Variants in NUP210 observed in about 807,000 individuals in gnomAD.
The protein encoded by NUP210 is nuclear pore membrane glycoprotein 210.
Under a neutral mutation model 196.0 loss-of-function variants are expected in NUP210, and 151 were observed. The observed-to-expected ratio is 0.77, with a 90% CI of 0.67 to 0.88. The LOEUF (loss-of-function observed/expected upper bound fraction) is 0.88, where lower values mean the gene tolerates loss of function less well. NUP210 is among the 40% of genes least tolerant of loss of function. The probability of loss-of-function intolerance (pLI) is 0.00; values close to 1 mark genes in which losing one functional copy is unlikely to be tolerated. For synonymous variants in NUP210, 1,070 were observed against 1,052.7 expected (o/e 1.02, Z -0.32); for missense variants, 2,314 against 2,493.7 (o/e 0.93, Z 1.53).
rs188267908 is a variant in NUP210 at position 13,365,761 on chromosome 3, T to C, written c.1932+185A>G. Among the ~76,000 whole-genome samples the C allele has an allele frequency of 1.9e-3, 288 of 152,314 alleles. 1 individual carries two copies. The highest frequency in any genetic ancestry group is 0.016 in the South Asian group (77 of 4,818). On this transcript the variant is annotated intron_variant, in intron 14 of 39. Transcript: ENST00000254508. Reference sequence around the variant, plus strand: ...AGAGATGCCCACAACCACTGCCCCATCAGGGAGGCTCTGCTCCTTCCACAT... The same window carrying C: ...AGAGATGCCCACAACCACTGCCCCACCAGGGAGGCTCTGCTCCTTCCACAT...
intron 1 of NUP210, among the ~76,000 whole-genome samples, chr3:13,418,928 G>A (rs1180135430): frequency 2.0e-5 from 2 of 99,670 alleles, no homozygotes; most frequent in Admixed American, 2.9e-4. Context: ...CAGCATGGAC[G>A]ACAAAGCAAA....
intron 25 of NUP210, among the ~76,000 whole-genome samples, chr3:13,339,212 G>T (rs977009388): frequency 1.3e-5 from 2 of 152,206 alleles, no homozygotes; most frequent in African/African-American, 4.8e-5. Context: ...CTCTAGGGCG[G>T]TGCACTTGCC....
intron 1 of NUP210, among the ~76,000 whole-genome samples, chr3:13,408,691 G>A (rs974906311): frequency 6.6e-6 from 1 of 151,706 alleles, no homozygotes; most frequent in Non-Finnish European, 1.5e-5. Context: ...AGGAGGCTGA[G>A]GCAGGAGAAT....
intron 37 of NUP210, 67 bp from the exon 38 acceptor site, chr3:13,319,392 G>T: frequency 2.3e-6 from 3 of 1,326,172 alleles, no homozygotes; most frequent in Non-Finnish European, 3.2e-6. Flanking sequence ...TCACGTTCCT[G>T]CCCTACTGTA....
intron 28 of NUP210, 30 bp from the exon 29 acceptor site, chr3:13,332,414 TG>T: frequency 6.5e-7 from 1 of 1,547,932 alleles, no homozygotes. Context: ...TCACTTCCGA[TG>T]GGGCACTGGA....
chr3:13,334,914 C>T (rs1431065767), intron 28 of NUP210, among the ~76,000 whole-genome samples: 1 of 152,166 alleles, frequency 6.6e-6, no homozygotes, highest in African/African-American at 2.4e-5. Flanking sequence ...AGGGCACAGT[C>T]CCCAGGCCTC....
At chr3:13,343,099 C>G (rs1697578868) in intron 21 of NUP210, 76 bp downstream of exon 21, 4 of 1,566,230 alleles carry the variant, frequency 2.6e-6, no homozygotes, top group Non-Finnish European at 3.5e-6. Context: ...CCATGCGGAA[C>G]ATTCCTCCCA....
intron 1 of NUP210, among the ~76,000 whole-genome samples, chr3:13,408,233 G>A (rs1378194842): frequency 1.3e-5 from 2 of 152,156 alleles, no homozygotes; most frequent in Non-Finnish European, 2.9e-5. Context: ...ACCAGATCAT[G>A]ATATATTAGT....
rs577063400 is a variant in NUP210, at chr3:13,336,311, T to A, written c.3684+476A>T. Among the ~76,000 whole-genome samples the A allele has an allele frequency of 6.6e-4, 101 of 152,310 alleles. No homozygotes were observed. In the South Asian group the frequency reaches 0.02, roughly 31 times the overall value. On this transcript the variant is annotated intron_variant, in intron 27 of 39. Coordinates refer to ENST00000254508, the MANE Select transcript of NUP210 (RefSeq NM_024923.4). ...TGCCCAGTACCATTTCCCCACTGGC[T>A]TGCTGGGCAACCCTGGGCAAGTCCC...
intron 2 of NUP210, among the ~76,000 whole-genome samples, chr3:13,398,300 A>T (rs778352793): frequency 3.3e-5 from 5 of 152,274 alleles, no homozygotes; most frequent in Non-Finnish European, 7.4e-5. Flanking sequence ...AAAATTAGTC[A>T]GGCATGGTGG....
chr3:13,386,194 T>C, intron 6 of NUP210, 81 bp downstream of exon 6: 1 of 1,504,662 alleles, frequency 6.6e-7, no homozygotes. Flanking sequence ...GTTAAGATGG[T>C]AAATTTTGTT....
rs1698419814 is a variant in NUP210 at position 13,363,022 on chromosome 3, C to T, written c.1933-2531G>A. 2.0e-5 allele frequency among the ~76,000 whole-genome samples: 3 copies of T among 152,194 alleles called. No individual in the cohort carries two copies. In the South Asian group the frequency reaches 6.2e-4, roughly 32 times the overall value. Reference sequence around the variant, plus strand: ...CCACTGGAGTGAAGCTAGTGTGGGACCTTAAACAAGTTAATGTCTACAAGG... The same window carrying T: ...CCACTGGAGTGAAGCTAGTGTGGGATCTTAAACAAGTTAATGTCTACAAGG... On this transcript the variant is annotated intron_variant, in intron 14 of 39. Transcript: ENST00000254508.
At position 13,319,332 on chromosome 3, in the gene NUP210, T is replaced by G; in HGVS notation, c.5384-7A>C. ...TGGAAGAGGCTGGCTCCATCTGCCA[T>G]CAATGGGAAGATGAGTTACCAAAAC... On this transcript the variant is annotated splice_region_variant and splice_polypyrimidine_tract_variant and intron_variant, in intron 37 of 39. Coordinates refer to ENST00000254508, the MANE Select transcript of NUP210 (RefSeq NM_024923.4). 6.2e-7 allele frequency: 1 copy of G among 1,602,030 alleles called. No homozygotes were observed. The highest frequency in any genetic ancestry group is 8.5e-7 in the Non-Finnish European group (1 of 1,172,812).
intron 16 of NUP210, among the ~76,000 whole-genome samples, chr3:13,356,205 C>T (rs1216830218): frequency 2.0e-5 from 3 of 152,232 alleles, no homozygotes; most frequent in Admixed American, 2.0e-4. Flanking sequence ...CCTTGTCATT[C>T]TGATCAGTCA....
Position 13,335,519 on chromosome 3 carries a change from C to G in NUP210, c.3778G>C (p.Val1260Leu), listed in dbSNP as rs747895657. Residue 1260 changes from valine (V) to leucine (L), a missense_variant, in exon 28 of 40, where the codon GTG becomes CTG. Coordinates refer to ENST00000254508, the MANE Select transcript of NUP210 (RefSeq NM_024923.4). ...TACAGCTGCCCCGATGTGGGGTCCA[C>G]AGCCTTGACCACCACCCTCAGCCCG... ...RTGLRVVVKA[V>L]DPTSGQLYGL... 1 of 1,614,042 alleles carries G rather than the reference C, an allele frequency of 6.2e-7. No individual in the cohort carries two copies. Among genetic ancestry groups the G allele is most frequent in the Non-Finnish European group, 8.5e-7 (1 of 1,180,052 alleles).
chr3:13,364,176 G>A (rs1437891249), intron 14 of NUP210, among the ~76,000 whole-genome samples: 1 of 152,100 alleles, frequency 6.6e-6, no homozygotes, highest in Non-Finnish European at 1.5e-5. Flanking sequence ...TTTGTTTATG[G>A]TCATCTCTAC....
Position 13,402,733 on chromosome 3 carries a change from A to G in NUP210, c.168-2872T>C, listed in dbSNP as rs78346836. 1.7e-3 allele frequency among the ~76,000 whole-genome samples: 261 copies of G among 152,340 alleles called. 1 individual carries two copies. Among genetic ancestry groups the G allele is most frequent in the African/African-American group, 5.9e-3 (247 of 41,578 alleles). The stretch of plus-strand genomic sequence containing the variant: ...AAAAAAAAAAGTAACAGGTGAGATT[A>G]ATTTTTAATAAACCTTGTTTTTTAA... On this transcript the variant is annotated intron_variant, in intron 1 of 39. Transcript: ENST00000254508.
chr3:13,374,915 G>A (rs532108985), intron 11 of NUP210, among the ~76,000 whole-genome samples: 4 of 152,320 alleles, frequency 2.6e-5, no homozygotes, highest in African/African-American at 7.2e-5. Flanking sequence ...ACGAGGACTC[G>A]AGCCCTGTCT....
intron 6 of NUP210, among the ~76,000 whole-genome samples, chr3:13,383,586 G>A (rs559648822): frequency 2.1e-5 from 3 of 140,806 alleles, no homozygotes; most frequent in South Asian, 4.5e-4. Context: ...GCAGTGGTGC[G>A]ATCTCAGCTA....
Sources: allele counts gnomAD v4.1 joint callset (sites outside exome capture counted in the v4.1 genomes callset), GRCh38; gene constraint gnomAD v4.1.1; transcripts MANE v1.5; gene names NCBI Gene and HGNC (gene_info 2026-07-23, HGNC 2026-07-21).